KALRN: variants seen among roughly 807,000 people sequenced by gnomAD.
The protein encoded by KALRN is kalirin.
KALRN carries 70 observed loss-of-function variants against 353.7 expected under a neutral mutation model. That is an observed-to-expected ratio of 0.20 (90% CI 0.16 to 0.24). The LOEUF (loss-of-function observed/expected upper bound fraction) is 0.24, where lower values mean the gene tolerates loss of function less well. KALRN is among the 10% of genes least tolerant of loss of function. The pLI is 1.00. For synonymous variants in KALRN, 1,391 were observed against 1,434.8 expected (o/e 0.97, Z 0.69); for missense variants, 2,791 against 3,756.7 (o/e 0.74, Z 6.72).
chr3:124,419,493 A>G (rs780511621), intron 14 of KALRN, among the ~76,000 whole-genome samples: 2 of 151,946 alleles, frequency 1.3e-5, no homozygotes, highest in African/African-American at 4.8e-5. Context: ...TCTTCCCCCA[A>G]GCTCTCAGGT....
At chr3:124,339,327 T>A (rs1471686535) in intron 9 of KALRN, among the ~76,000 whole-genome samples, 4 of 151,830 alleles carry the variant, frequency 2.6e-5, no homozygotes, top group African/African-American at 9.7e-5. Flanking sequence ...CAACTTTGGG[T>A]CTGCCAGGTG....
At position 124,034,726 on chromosome 3, in the gene KALRN, C is replaced by T. The variant is rs574699879; in HGVS notation, c.73+913C>T. 2.6e-5 allele frequency among the ~76,000 whole-genome samples: 4 copies of T among 152,262 alleles called. No individual in the cohort carries two copies. The South Asian group carries it at 8.3e-4, about 32-fold the overall frequency. ...CCAGGGATTCCCCGTCTCCCTGTACCTGTGGCTTCCACCAGCTTCTGTGTG... is the reference window on the plus strand; with the variant it reads ...CCAGGGATTCCCCGTCTCCCTGTACTTGTGGCTTCCACCAGCTTCTGTGTG... On this transcript the variant is annotated intron_variant, in intron 1 of 59. Coordinates refer to ENST00000682506, the MANE Select transcript of KALRN (RefSeq NM_001388419.1).
chr3:124,205,834 C>T (rs2076364533), intron 1 of KALRN, among the ~76,000 whole-genome samples: 1 of 152,106 alleles, frequency 6.6e-6, no homozygotes, highest in African/African-American at 2.4e-5. Context: ...GAATGGAGGA[C>T]CTGTCAAATC....
chr3:124,282,322 G>T (rs2075416639), intron 5 of KALRN, among the ~76,000 whole-genome samples: 1 of 150,586 alleles, frequency 6.6e-6, no homozygotes. Context: ...GATTATGAAG[G>T]TTACTAAAAA....
chr3:124,183,780 G>T (rs758634553), intron 1 of KALRN, among the ~76,000 whole-genome samples: 7 of 152,198 alleles, frequency 4.6e-5, no homozygotes, highest in Non-Finnish European at 8.8e-5. Context: ...TGTTATGGCA[G>T]TCCTAGCAAA....
chr3:124,140,388 A>T (rs1000145649), intron 1 of KALRN, among the ~76,000 whole-genome samples: 1 of 152,230 alleles, frequency 6.6e-6, no homozygotes, highest in African/African-American at 2.4e-5. Flanking sequence ...AGCGAATAGA[A>T]GTGATATTTT....
chr3:124,551,082 G>A (rs1207637812), intron 33 of KALRN, among the ~76,000 whole-genome samples: 1 of 152,168 alleles, frequency 6.6e-6, no homozygotes, highest in Non-Finnish European at 1.5e-5. Flanking sequence ...TTCCCTAGAG[G>A]GCATGTCATG....
At chr3:124,102,262 C>A (rs1003121050) in intron 1 of KALRN, among the ~76,000 whole-genome samples, 2 of 152,146 alleles carry the variant, frequency 1.3e-5, no homozygotes, top group Non-Finnish European at 2.9e-5. Context: ...AACACACACC[C>A]GTTTGAAACA....
intron 1 of KALRN, among the ~76,000 whole-genome samples, chr3:124,181,007 G>A (rs1374644903): frequency 7.1e-6 from 1 of 141,250 alleles, no homozygotes; most frequent in African/African-American, 2.6e-5. Context: ...GAGGTGAGCA[G>A]ATCACTTGAG....
intron 55 of KALRN, among the ~76,000 whole-genome samples, chr3:124,698,397 C>T (rs967524450): frequency 2.0e-5 from 3 of 152,230 alleles, no homozygotes; most frequent in Non-Finnish European, 2.9e-5. Context: ...AGCACAGAGG[C>T]CTCAGTGCCA....
chr3:124,617,260 G>A (rs2078715785), intron 34 of KALRN, among the ~76,000 whole-genome samples: 1 of 152,002 alleles, frequency 6.6e-6, no homozygotes, highest in South Asian at 2.1e-4. Context: ...CCTGAGCCCA[G>A]GAGGTTGAGG....
chr3:124,455,004 G>A, intron 21 of KALRN, 173 bp from the exon 22 acceptor site: 2 of 620,954 alleles, frequency 3.2e-6, no homozygotes, highest in Non-Finnish European at 5.6e-6. Context: ...AGGCACAGAG[G>A]GTTTCAATAA....
rs1005489977 is a variant in KALRN, at chr3:124,274,076, T to C, written c.969+4821T>C. Among the ~76,000 whole-genome samples the C allele has an allele frequency of 3.9e-5, 6 of 152,354 alleles. No individual in the cohort carries two copies. In the East Asian group the frequency reaches 7.7e-4, roughly 20 times the overall value. On this transcript the variant is annotated intron_variant, in intron 5 of 59. Transcript: ENST00000682506. ...TCTTAAAGGTCATTAAGTAGACTCA[T>C]TGTAGATGTGCCTTTGGAAAATGGA...
At chr3:124,349,720 TA>T (rs916205819) in intron 10 of KALRN, among the ~76,000 whole-genome samples, 115 of 146,952 alleles carry the variant, frequency 7.8e-4, no homozygotes, top group African/African-American at 2.6e-3. Flanking sequence ...TTTACCACAA[TA>T]AAAAAAAAAG....
At chr3:124,339,076 T>C (rs1026381166) in intron 9 of KALRN, among the ~76,000 whole-genome samples, 1 of 152,182 alleles carries the variant, frequency 6.6e-6, no homozygotes, top group Admixed American at 6.5e-5. Flanking sequence ...CCCCAGGTGA[T>C]TCTTAAGCAT....
intron 5 of KALRN, among the ~76,000 whole-genome samples, chr3:124,271,102 A>G (rs889469600): frequency 6.6e-6 from 1 of 152,020 alleles, no homozygotes; most frequent in African/African-American, 2.4e-5. Context: ...AAGTGCTGAG[A>G]TTACAGGCGT....
At chr3:124,670,552 C>T (rs2086283305) in intron 47 of KALRN, among the ~76,000 whole-genome samples, 1 of 152,152 alleles carries the variant, frequency 6.6e-6, no homozygotes, top group African/African-American at 2.4e-5. Context: ...CTTCTGAGAC[C>T]TCAAGTAGAA....
chr3:124,537,360 C>G (rs1344748583), intron 33 of KALRN, among the ~76,000 whole-genome samples: 2 of 152,122 alleles, frequency 1.3e-5, no homozygotes, highest in African/African-American at 4.8e-5. Flanking sequence ...TTTTTTAAAA[C>G]CACGATACTT....
intron 1 of KALRN, among the ~76,000 whole-genome samples, chr3:124,069,483 T>A (rs1033302078): frequency 4.6e-5 from 7 of 152,116 alleles, no homozygotes; most frequent in African/African-American, 1.7e-4. Context: ...CTAGAGAGAA[T>A]CACATGAAAT....
Sources: gnomAD v4.1 joint callset for allele counts (sites outside exome capture counted in the v4.1 genomes callset) on GRCh38, gnomAD v4.1.1 for gene constraint, MANE v1.5 for transcripts, NCBI Gene and HGNC (gene_info 2026-07-23, HGNC 2026-07-21) for gene names.